TLL1: variants seen among roughly 807,000 people sequenced by gnomAD.
The protein encoded by TLL1 is tolloid like 1.
A neutral mutation model predicts 128.2 loss-of-function variants in TLL1; 49 were observed. The observed-to-expected ratio is 0.38, with a 90% confidence interval of 0.30 to 0.48. The LOEUF is 0.48. Among genes scored for constraint, TLL1 ranks in the 20% least tolerant of loss-of-function variants. The probability of loss-of-function intolerance (pLI) is 0.96; values close to 1 mark genes in which losing one functional copy is unlikely to be tolerated. For missense variants in TLL1, 1,123 were observed against 1,242.0 expected (o/e 0.90, Z 1.44); for synonymous variants, 454 against 418.8 (o/e 1.08, Z -1.03).
intron 18 of TLL1, among the ~76,000 whole-genome samples, chr4:166,086,435 G>T (rs1045957760): frequency 5.9e-5 from 9 of 152,014 alleles, no homozygotes; most frequent in African/African-American, 2.2e-4. Flanking sequence ...TAACTTTTCT[G>T]TTGCATGTGA....
chr4:166,071,036 G>A (rs759296293), intron 16 of TLL1, among the ~76,000 whole-genome samples: 5 of 151,744 alleles, frequency 3.3e-5, no homozygotes, highest in Non-Finnish European at 7.4e-5. Context: ...CTTTTTGTAG[G>A]CGATTATTTA....
At chr4:166,073,221 T>C (rs1740869913) in intron 16 of TLL1, among the ~76,000 whole-genome samples, 1 of 152,112 alleles carries the variant, frequency 6.6e-6, no homozygotes, top group Non-Finnish European at 1.5e-5. Context: ...TCACGCAATT[T>C]ACTGCTTAAC....
intron 1 of TLL1, among the ~76,000 whole-genome samples, chr4:165,916,088 A>C (rs1732764800): frequency 6.6e-6 from 1 of 152,146 alleles, no homozygotes; most frequent in Non-Finnish European, 1.5e-5. Flanking sequence ...TCGTCTGTGG[A>C]CAGAGGCATT....
chr4:165,945,979 G>C (rs1734229204), intron 1 of TLL1, among the ~76,000 whole-genome samples: 1 of 152,174 alleles, frequency 6.6e-6, no homozygotes, highest in African/African-American at 2.4e-5. Flanking sequence ...GAAAACAGAA[G>C]AGTCAGTTGG....
intron 15 of TLL1, among the ~76,000 whole-genome samples, chr4:166,065,286 C>T (rs1740518247): frequency 6.6e-6 from 1 of 152,042 alleles, no homozygotes; most frequent in Admixed American, 6.6e-5. Flanking sequence ...TTTTATTATA[C>T]ATCAAGTATC....
chr4:166,100,709 G>C (rs369554433), intron 20 of TLL1, 33 bp from the exon 21 acceptor site: 46 of 1,611,630 alleles, frequency 2.9e-5, no homozygotes, highest in Admixed American at 3.3e-5. Context: ...TTTATTGCTT[G>C]TTTACTTGCT....
chr4:166,081,810 G>T (rs66538513), intron 18 of TLL1, among the ~76,000 whole-genome samples: 55,264 of 151,410 alleles, frequency 0.36, 10,253 homozygotes, highest in East Asian at 0.42. Context: ...ACTAGTTCCA[G>T]CTTTCTATAT....
rs542795042 is a variant in TLL1 at position 166,009,351 on chromosome 4, C to T, written c.917+1303C>T. 2.0e-5 allele frequency among the ~76,000 whole-genome samples: 3 copies of T among 151,532 alleles called. No individual in the cohort carries two copies. In the South Asian group the frequency reaches 6.2e-4, roughly 31 times the overall value. ...TAACCTGAGTTTTGGTTCCTTGGAA[C>T]AGAGAAGGTACTGGAGAGTAGAGAA... On this transcript the variant is annotated intron_variant, in intron 7 of 20. Coordinates refer to ENST00000061240, the MANE Select transcript of TLL1 (RefSeq NM_012464.5).
intron 9 of TLL1, among the ~76,000 whole-genome samples, chr4:166,029,055 G>A (rs1055794150): frequency 6.6e-6 from 1 of 151,746 alleles, no homozygotes; most frequent in Non-Finnish European, 1.5e-5. Context: ...AGTGCTCATT[G>A]CAGTTCTATT....
At chr4:166,019,242 G>A (rs1305318713) in intron 8 of TLL1, among the ~76,000 whole-genome samples, 1 of 152,152 alleles carries the variant, frequency 6.6e-6, no homozygotes, top group African/African-American at 2.4e-5. Context: ...TTATAAGTGG[G>A]AGCTAAATAT....
chr4:166,010,373 T>G, intron 7 of TLL1, among the ~76,000 whole-genome samples: 1 of 151,270 alleles, frequency 6.6e-6, no homozygotes, highest in Non-Finnish European at 1.5e-5. Flanking sequence ...TGACTTAACA[T>G]TTCTCTGATG....
chr4:165,880,323 G>T (rs1730920226), intron 1 of TLL1, among the ~76,000 whole-genome samples: 1 of 152,170 alleles, frequency 6.6e-6, no homozygotes, highest in African/African-American at 2.4e-5. Flanking sequence ...TTTGTATTAA[G>T]AAGTCTAGTA....
rs1029809323 is a variant in TLL1, at chr4:166,023,057, G to A, written c.1043-2259G>A. 2.6e-5 allele frequency among the ~76,000 whole-genome samples: 4 copies of A among 152,190 alleles called. No homozygotes were observed. In the East Asian group the frequency reaches 7.7e-4, roughly 29 times the overall value. On this transcript the variant is annotated intron_variant, in intron 8 of 20. Coordinates refer to ENST00000061240, the MANE Select transcript of TLL1 (RefSeq NM_012464.5). Reference sequence around the variant, plus strand: ...CAGAAAACTGGGATAAAGCTTTTGAGCTTTGCATGCGATGATGTAATTAAT... The same window carrying A: ...CAGAAAACTGGGATAAAGCTTTTGAACTTTGCATGCGATGATGTAATTAAT...
chr4:166,022,462 C>G (rs188457007), intron 8 of TLL1, among the ~76,000 whole-genome samples: 1 of 152,282 alleles, frequency 6.6e-6, no homozygotes, highest in East Asian at 1.9e-4. Context: ...AGGCATGAGC[C>G]CACTGTGCCC....
chr4:165,957,731 C>CT (rs1419148868), intron 1 of TLL1, among the ~76,000 whole-genome samples: 3 of 148,552 alleles, frequency 2.0e-5, no homozygotes, highest in East Asian at 4.0e-4. Flanking sequence ...TATTATTATA[C>CT]TTTAAGTTTT....
In TLL1 at chr4:165,971,534, G is replaced by A. The variant is rs538715592; in HGVS notation, c.170-17847G>A. ...AAAGATCCCAAAGTGCCCAGCATTA[G>A]CTTAAAATTCAGTGGCATTCTTGCC... On this transcript the variant is annotated intron_variant, in intron 1 of 20. Coordinates refer to ENST00000061240, the MANE Select transcript of TLL1 (RefSeq NM_012464.5). 2.0e-5 allele frequency among the ~76,000 whole-genome samples: 3 copies of A among 152,226 alleles called. No individual in the cohort carries two copies. The East Asian group carries it at 5.8e-4, about 29-fold the overall frequency.
At chr4:165,971,560 A>G (rs1326644843) in intron 1 of TLL1, among the ~76,000 whole-genome samples, 1 of 152,142 alleles carries the variant, frequency 6.6e-6, no homozygotes, top group African/African-American at 2.4e-5. Context: ...CATTCTTGCC[A>G]TGGCTTCTGG....
At chr4:166,091,521 T>C (rs1741780723) in intron 19 of TLL1, among the ~76,000 whole-genome samples, 180 bp downstream of exon 19, 1 of 152,090 alleles carries the variant, frequency 6.6e-6, no homozygotes, top group Non-Finnish European at 1.5e-5. Flanking sequence ...ATCTTTGCAG[T>C]TGTTGAGTTT....
At chr4:165,889,750 C>A (rs1731313104) in intron 1 of TLL1, among the ~76,000 whole-genome samples, 1 of 152,152 alleles carries the variant, frequency 6.6e-6, no homozygotes, top group African/African-American at 2.4e-5. Flanking sequence ...AATAGAGAAG[C>A]AGCTCACCAT....
Sources: gnomAD v4.1 joint callset for allele counts (sites outside exome capture counted in the v4.1 genomes callset) on GRCh38, gnomAD v4.1.1 for gene constraint, MANE v1.5 for transcripts, NCBI Gene and HGNC (gene_info 2026-07-23, HGNC 2026-07-21) for gene names.